The following PPP2R2B variants were observed in gnomAD, a reference collection of about 807,000 sequenced individuals.
PPP2R2B encodes serine/threonine-protein phosphatase 2A 55 kDa regulatory subunit B beta isoform.
PPP2R2B carries 5 observed loss-of-function variants against 46.0 expected under a neutral mutation model. That is an observed-to-expected ratio of 0.11 (90% confidence interval 0.06 to 0.23). The LOEUF (loss-of-function observed/expected upper bound fraction) is 0.23, where lower values mean the gene tolerates loss of function less well. Ranked by LOEUF, PPP2R2B falls within the 10% of genes least tolerant of loss-of-function variation. The pLI, the probability that PPP2R2B is intolerant of heterozygous loss-of-function variation, is 1.00. For missense variants in PPP2R2B, 367 were observed against 575.0 expected (o/e 0.64, Z 3.70); for synonymous variants, 215 against 206.7 (o/e 1.04, Z -0.34).
chr5:146,933,661 CTTTTTT>C (rs972619031), intron 1 of PPP2R2B, among the ~76,000 whole-genome samples: 1 of 140,220 alleles, frequency 7.1e-6, no homozygotes, highest in Non-Finnish European at 1.6e-5. Context: ...AACGGAAGTT[CTTTTTT>C]TTTTTTAAGT....
chr5:146,698,293 C>T, intron 3 of PPP2R2B, 149 bp from the exon 4 acceptor site: 1 of 86,046 alleles, frequency 1.2e-5, no homozygotes, highest in Non-Finnish European at 1.9e-5. Context: ...GTCACTAGCA[C>T]CTCTGAAAAA....
chr5:146,941,289 C>A (rs1359052680), intron 1 of PPP2R2B, among the ~76,000 whole-genome samples: 1 of 152,146 alleles, frequency 6.6e-6, no homozygotes, highest in Non-Finnish European at 1.5e-5. Flanking sequence ...ACCTTCGATA[C>A]TGAAAAAATA....
intron 1 of PPP2R2B, among the ~76,000 whole-genome samples, chr5:146,899,016 A>C (rs1285901679): frequency 2.6e-5 from 4 of 151,272 alleles, no homozygotes; most frequent in Non-Finnish European, 5.9e-5. Context: ...AACATTTTAC[A>C]CTGTTGGTGG....
At chr5:146,833,187 C>T (rs1416780872) in intron 2 of PPP2R2B, among the ~76,000 whole-genome samples, 1 of 152,086 alleles carries the variant, frequency 6.6e-6, no homozygotes, top group Non-Finnish European at 1.5e-5. Flanking sequence ...GCCTTTAATG[C>T]CAATATATCA....
chr5:147,003,317 C>T lies in PPP2R2B; in HGVS notation c.79+52348G>A, dbSNP rs141583594. Reference sequence around the variant, plus strand: ...ATTTCCAAAGGACCAAAAAAACCCCCGGGCTATAGGTTATGTCCCCTTCAA... The same window carrying T: ...ATTTCCAAAGGACCAAAAAAACCCCTGGGCTATAGGTTATGTCCCCTTCAA... On this transcript the variant is annotated intron_variant, in intron 1 of 8. Transcript: ENST00000336640. Among the ~76,000 whole-genome samples the T allele has an allele frequency of 7.0e-3, 1,069 of 152,180 alleles. 9 individuals are homozygous for T. The highest frequency in any genetic ancestry group is 0.023 in the African/African-American group (952 of 41,524).
At chr5:146,971,468 C>T (rs1334748810) in intron 1 of PPP2R2B, among the ~76,000 whole-genome samples, 1 of 152,128 alleles carries the variant, frequency 6.6e-6, no homozygotes, top group African/African-American at 2.4e-5. Context: ...GCAAATTTTA[C>T]CTTGAAAGAA....
At chr5:146,990,836 A>G (rs927111546) in intron 1 of PPP2R2B, among the ~76,000 whole-genome samples, 16 of 152,244 alleles carry the variant, frequency 1.1e-4, no homozygotes, top group African/African-American at 3.1e-4. Flanking sequence ...TTCAGAATAT[A>G]TAAGAAACTC....
intron 2 of PPP2R2B, among the ~76,000 whole-genome samples, chr5:146,749,077 T>C (rs1753374298): frequency 6.6e-6 from 1 of 152,220 alleles, no homozygotes; most frequent in African/African-American, 2.4e-5. Flanking sequence ...CCAGCACTTG[T>C]ATTGCTACCA....
At chr5:146,773,965 G>A (rs867557980) in intron 2 of PPP2R2B, among the ~76,000 whole-genome samples, 3 of 152,108 alleles carry the variant, frequency 2.0e-5, no homozygotes, top group Admixed American at 6.5e-5. Flanking sequence ...GCAACCCGTC[G>A]TAATAGGTAA....
chr5:146,835,185 AC>A (rs1418822997), intron 2 of PPP2R2B, among the ~76,000 whole-genome samples: 4 of 152,214 alleles, frequency 2.6e-5, no homozygotes, highest in Non-Finnish European at 1.5e-5. Flanking sequence ...TTGTAGTTAT[AC>A]TGTAGCAGAA....
rs1480948545 is a variant in PPP2R2B at position 146,878,462 on chromosome 5, C to T, written c.-125+129G>A. On this transcript the variant is annotated intron_variant, in intron 1 of 9. Coordinates refer to ENST00000394411, the MANE Select transcript of PPP2R2B (RefSeq NM_181675.4). The surrounding 1 kb of genome is among the most constrained non-coding windows in gnomAD (Gnocchi z 4.5). ...GGGAGATGCCCAACAGGTTCCCCTC[C>T]TTGGCAGCCGCTCCAAAATGCAAAA... 1 of 1,374,240 alleles carries T rather than the reference C, an allele frequency of 7.3e-7. No homozygotes were observed. The highest frequency in any genetic ancestry group is 3.1e-5 in the Admixed American group (1 of 31,748). The allele number at this position is 1,374,240 out of a possible 1,614,324, so 85.1% of individuals were successfully genotyped here.
intron 2 of PPP2R2B, among the ~76,000 whole-genome samples, chr5:146,839,169 G>T (rs1177295447): frequency 2.0e-5 from 3 of 152,178 alleles, no homozygotes; most frequent in Non-Finnish European, 4.4e-5. Flanking sequence ...AGGCAGGAAG[G>T]CAAACATTAC....
At chr5:146,692,712 T>G (rs568674103) in intron 4 of PPP2R2B, among the ~76,000 whole-genome samples, 7 of 151,984 alleles carry the variant, frequency 4.6e-5, no homozygotes, top group African/African-American at 1.7e-4. Flanking sequence ...TTTTTTGTAT[T>G]TCTAGTAGAG....
chr5:146,960,316 G>A (rs1752112032), intron 1 of PPP2R2B, among the ~76,000 whole-genome samples: 1 of 151,986 alleles, frequency 6.6e-6, no homozygotes, highest in African/African-American at 2.4e-5. Context: ...TTTTGACGGA[G>A]TCTCACTCTG....
intron 2 of PPP2R2B, among the ~76,000 whole-genome samples, chr5:146,759,624 G>T (rs752927315): frequency 6.6e-6 from 1 of 152,016 alleles, no homozygotes; most frequent in Non-Finnish European, 1.5e-5. Flanking sequence ...GTTGAATTAG[G>T]TGCATCCCTT....
At chr5:146,641,206 G>A (rs997463115) in intron 6 of PPP2R2B, among the ~76,000 whole-genome samples, 5 of 152,074 alleles carry the variant, frequency 3.3e-5, no homozygotes, top group Admixed American at 6.6e-5. Flanking sequence ...TTTTACAGCC[G>A]AGGGAACTCA....
intron 2 of PPP2R2B, among the ~76,000 whole-genome samples, chr5:146,804,475 G>A (rs768237519): frequency 7.2e-5 from 11 of 152,136 alleles, no homozygotes; most frequent in East Asian, 1.9e-4. Flanking sequence ...CTCTAACCCT[G>A]CTCTGATCCA....
intron 1 of PPP2R2B, among the ~76,000 whole-genome samples, chr5:146,964,949 A>G (rs1752338279): frequency 6.6e-6 from 1 of 152,142 alleles, no homozygotes; most frequent in Non-Finnish European, 1.5e-5. Context: ...CAGTTTTCCC[A>G]TCTGTAAAAT....
chr5:147,071,047 G>T (rs796917931), intron 2 of PPP2R2B, among the ~76,000 whole-genome samples: 80 of 151,860 alleles, frequency 5.3e-4, no homozygotes, highest in African/African-American at 1.9e-3. Flanking sequence ...GACATCAAAA[G>T]AAATTTTCTA....
Sources: gnomAD v4.1 joint callset for allele counts (sites outside exome capture counted in the v4.1 genomes callset) on GRCh38, gnomAD v4.1.1 for gene constraint, Gnocchi (gnomAD v3.1) non-coding constraint, MANE v1.5 for transcripts, NCBI Gene and HGNC (gene_info 2026-07-23, HGNC 2026-07-21) for gene names.